The following NR6A1 variants were observed in gnomAD, a reference collection of about 807,000 sequenced individuals.
NR6A1 encodes nuclear receptor subfamily 6 group A member 1, also known as retinoic acid receptor-related testis-associated receptor.
Under a neutral mutation model 59.1 loss-of-function variants are expected in NR6A1, and 7 were observed. That is an observed-to-expected ratio of 0.12 (90% confidence interval 0.07 to 0.22). The LOEUF is 0.22. NR6A1 is among the 10% of genes least tolerant of loss of function. NR6A1 has a pLI of 1.00. For synonymous variants in NR6A1, 243 were observed against 236.1 expected (o/e 1.03, Z -0.27); for missense variants, 468 against 611.6 (o/e 0.77, Z 2.48).
chr9:124,754,201 T>C (rs1337304053), intron 1 of NR6A1, among the ~76,000 whole-genome samples: 3 of 152,108 alleles, frequency 2.0e-5, no homozygotes, highest in Non-Finnish European at 4.4e-5. Context: ...ACCAACTGAG[T>C]ACTTACTACA....
intron 2 of NR6A1, chr9:124,598,955 C>A: frequency 2.8e-6 from 2 of 711,568 alleles, no homozygotes; most frequent in Non-Finnish European, 2.6e-6. Context: ...ATGGTCATTA[C>A]CCACGTTGGG....
intron 2 of NR6A1, among the ~76,000 whole-genome samples, chr9:124,692,908 A>T (rs1477889213): frequency 6.6e-6 from 1 of 152,186 alleles, no homozygotes; most frequent in Non-Finnish European, 1.5e-5. Flanking sequence ...TTTCTCCCAC[A>T]TCCTCTCAAA....
At chr9:124,635,519 TC>T (rs1836583031) in intron 2 of NR6A1, among the ~76,000 whole-genome samples, 1 of 152,196 alleles carries the variant, frequency 6.6e-6, no homozygotes, top group Non-Finnish European at 1.5e-5. Context: ...TCCTGTGGCC[TC>T]CCCACCTATG....
At chr9:124,620,753 A>G (rs1241376492) in intron 2 of NR6A1, among the ~76,000 whole-genome samples, 1 of 152,180 alleles carries the variant, frequency 6.6e-6, no homozygotes, top group Non-Finnish European at 1.5e-5. Flanking sequence ...TAAATATACC[A>G]AACATCGCTC....
intron 1 of NR6A1, among the ~76,000 whole-genome samples, chr9:124,740,905 C>T (rs1840157052): frequency 6.6e-6 from 1 of 152,094 alleles, no homozygotes; most frequent in South Asian, 2.1e-4. Context: ...AAAGGCAGCT[C>T]AATAAATGTT....
intron 2 of NR6A1, among the ~76,000 whole-genome samples, chr9:124,716,137 G>T (rs868720480): frequency 6.6e-6 from 1 of 152,174 alleles, no homozygotes; most frequent in Non-Finnish European, 1.5e-5. Context: ...CCCAGGAAGA[G>T]GAGGCTGCAG....
intron 2 of NR6A1, among the ~76,000 whole-genome samples, chr9:124,581,095 T>C (rs1313281527): frequency 2.6e-5 from 4 of 152,006 alleles, no homozygotes; most frequent in Non-Finnish European, 5.9e-5. Flanking sequence ...CCTTATACCA[T>C]ATACAAAAAT....
chr9:124,689,759 T>C (rs1201634034), intron 2 of NR6A1, among the ~76,000 whole-genome samples: 1 of 152,194 alleles, frequency 6.6e-6, no homozygotes, highest in African/African-American at 2.4e-5. Context: ...AAAATTCAAC[T>C]AACCTTTTAA....
rs1475734782 is a variant in NR6A1, at chr9:124,607,041, C to T, written c.143-52471G>A. 12 of 152,160 alleles carry T rather than the reference C, an allele frequency of 7.9e-5. No individual in the cohort carries two copies. The East Asian group carries it at 2.3e-3, about 29-fold the overall frequency. 9.4% of individuals were successfully genotyped at this position (152,160 alleles called of 1,614,324 possible). A position where few individuals can be genotyped will look rare whatever the true frequency, so the allele number is the denominator to read the frequency against. On this transcript the variant is annotated intron_variant, in intron 2 of 9. Transcript: ENST00000487099. ...GGTATCAGAGATTGGGATACATACT[C>T]CAGCACAAGGGACAATAAAACTTGA...
intron 2 of NR6A1, among the ~76,000 whole-genome samples, chr9:124,608,733 C>G (rs1300496796): frequency 1.3e-5 from 2 of 152,132 alleles, no homozygotes; most frequent in Non-Finnish European, 2.9e-5. Context: ...TCTTCCACAA[C>G]GGTTGAACTA....
chr9:124,688,820 A>G (rs548851012), intron 2 of NR6A1, among the ~76,000 whole-genome samples: 7 of 152,354 alleles, frequency 4.6e-5, no homozygotes, highest in African/African-American at 1.7e-4. Flanking sequence ...GTGTTTATGT[A>G]CATGTATTTA....
chr9:124,762,618 G>A (rs752147512), intron 1 of NR6A1, among the ~76,000 whole-genome samples: 2 of 152,198 alleles, frequency 1.3e-5, no homozygotes, highest in Non-Finnish European at 2.9e-5. Flanking sequence ...GGTTAGTTCA[G>A]TGTGAGTTTA....
intron 1 of NR6A1, among the ~76,000 whole-genome samples, chr9:124,760,594 T>C (rs920557922): frequency 6.6e-6 from 1 of 152,296 alleles, no homozygotes; most frequent in African/African-American, 2.4e-5. Context: ...GTTAAATCTA[T>C]GAAACAAATT....
chr9:124,688,423 C>A (rs1046809955), intron 2 of NR6A1, among the ~76,000 whole-genome samples: 62 of 152,256 alleles, frequency 4.1e-4, no homozygotes, highest in African/African-American at 1.2e-3. Flanking sequence ...ACTGAAACCA[C>A]AGAAAGCGAA....
intron 2 of NR6A1, among the ~76,000 whole-genome samples, chr9:124,681,434 C>A (rs1431607826): frequency 6.7e-6 from 1 of 149,808 alleles, no homozygotes; most frequent in Admixed American, 6.8e-5. Context: ...CTCCACCTTC[C>A]GGGTTCAGGC....
At chr9:124,685,546 T>G (rs1313098058) in intron 2 of NR6A1, among the ~76,000 whole-genome samples, 1 of 152,152 alleles carries the variant, frequency 6.6e-6, no homozygotes, top group Non-Finnish European at 1.5e-5. Flanking sequence ...CCCTGGCTGG[T>G]CTCAAACTCC....
intron 2 of NR6A1, among the ~76,000 whole-genome samples, chr9:124,583,339 G>A (rs1053374421): frequency 6.6e-6 from 1 of 152,048 alleles, no homozygotes; most frequent in Non-Finnish European, 1.5e-5. Context: ...CCACTTAACC[G>A]AGGCCTCTCC....
rs373874523 is a variant in NR6A1 at position 124,554,313 on chromosome 9, A to G, written c.385+15T>C. 43 of 1,614,070 alleles carry G rather than the reference A, an allele frequency of 2.7e-5. No individual in the cohort carries two copies. The African/African-American group carries it at 5.2e-4, about 20-fold the overall frequency. On this transcript the variant is annotated intron_variant, in intron 3 of 9. Transcript: ENST00000487099. The stretch of plus-strand genomic sequence containing the variant: ...GAATGAAGGATGGGCCATCAGAGCC[A>G]TCAGCACCACTCACCCTTCCGGTTC...
At chr9:124,591,151 TTAGAGTA>T (rs1835110079) in intron 2 of NR6A1, among the ~76,000 whole-genome samples, 1 of 152,220 alleles carries the variant, frequency 6.6e-6, no homozygotes, top group Admixed American at 6.5e-5. Context: ...CCTGGAGACC[TTAGAGTA>T]TAAACACCAC....
Sources: gnomAD v4.1 joint callset for allele counts (sites outside exome capture counted in the v4.1 genomes callset) on GRCh38, gnomAD v4.1.1 for gene constraint, MANE v1.5 for transcripts, NCBI Gene and HGNC (gene_info 2026-07-23, HGNC 2026-07-21) for gene names.